The following CFAP299 variants were observed in gnomAD, a reference collection of about 807,000 sequenced individuals.
CFAP299 encodes cilia and flagella associated protein 299.
In CFAP299, 21 loss-of-function variants were observed where a neutral mutation model predicts 27.0. The ratio of observed to expected loss-of-function variants is 0.78; its 90% CI spans 0.55 to 1.12. CFAP299 has a LOEUF of 1.12. Ranked by LOEUF, CFAP299 falls within the 50% of genes most tolerant of loss-of-function variation. CFAP299 has a pLI of 0.00. For synonymous variants in CFAP299, 104 were observed against 98.1 expected (o/e 1.06, Z -0.36); for missense variants, 310 against 276.6 (o/e 1.12, Z -0.86).
chr4:80,429,694 A>G (rs1463780711), intron 2 of CFAP299, among the ~76,000 whole-genome samples: 2 of 152,190 alleles, frequency 1.3e-5, no homozygotes, highest in Admixed American at 6.5e-5. Flanking sequence ...AATCATAATA[A>G]CTATGTAATA....
At chr4:80,714,939 A>C (rs1722392330) in intron 3 of CFAP299, among the ~76,000 whole-genome samples, 1 of 152,090 alleles carries the variant, frequency 6.6e-6, no homozygotes, top group African/African-American at 2.4e-5. Flanking sequence ...ATTCTGACAC[A>C]TGACAATTTC....
intron 2 of CFAP299, among the ~76,000 whole-genome samples, chr4:80,479,351 C>T (rs555190622): frequency 4.6e-5 from 7 of 151,912 alleles, no homozygotes; most frequent in Non-Finnish European, 1.0e-4. Context: ...TCTCTTTCAT[C>T]CCAAGGCTTT....
At chr4:80,394,004 A>C (rs921826474) in intron 2 of CFAP299, among the ~76,000 whole-genome samples, 5 of 152,088 alleles carry the variant, frequency 3.3e-5, no homozygotes, top group Non-Finnish European at 1.5e-5. Flanking sequence ...GTGAGTTCTC[A>C]TGAGATCTGA....
chr4:80,422,825 T>C (rs1200692603), intron 2 of CFAP299, among the ~76,000 whole-genome samples: 1 of 152,196 alleles, frequency 6.6e-6, no homozygotes, highest in Non-Finnish European at 1.5e-5. Context: ...TCTTGCTTAA[T>C]GATAGGGATA....
intron 2 of CFAP299, among the ~76,000 whole-genome samples, chr4:80,501,185 C>G (rs746065860): frequency 5.4e-4 from 82 of 151,946 alleles, no homozygotes; most frequent in Non-Finnish European, 9.7e-4. Context: ...TTACCTTATC[C>G]TTGCTTTTGG....
intron 2 of CFAP299, among the ~76,000 whole-genome samples, chr4:80,571,265 T>C (rs1164428677): frequency 6.6e-6 from 1 of 152,152 alleles, no homozygotes; most frequent in Non-Finnish European, 1.5e-5. Context: ...AAATTCATAT[T>C]CAAGATAAGG....
chr4:80,766,114 A>T (rs1389152370), intron 3 of CFAP299, among the ~76,000 whole-genome samples: 1 of 152,180 alleles, frequency 6.6e-6, no homozygotes, highest in African/African-American at 2.4e-5. Context: ...ATAAGCTGTC[A>T]TCTAGACACA....
intron 3 of CFAP299, among the ~76,000 whole-genome samples, chr4:80,699,672 G>A (rs1364734045): frequency 6.6e-6 from 1 of 152,136 alleles, no homozygotes; most frequent in African/African-American, 2.4e-5. Flanking sequence ...ACTAGATCAA[G>A]TCATTTGTGA....
At chr4:80,916,926 G>A (rs1244543447) in intron 4 of CFAP299, among the ~76,000 whole-genome samples, 3 of 152,020 alleles carry the variant, frequency 2.0e-5, no homozygotes, top group Non-Finnish European at 4.4e-5. Context: ...AGTCCGACAA[G>A]GTATTTGATT....
intron 2 of CFAP299, among the ~76,000 whole-genome samples, chr4:80,501,831 T>C (rs1263093505): frequency 6.7e-6 from 1 of 149,728 alleles, no homozygotes; most frequent in African/African-American, 2.5e-5. Flanking sequence ...TTGAAAAGTC[T>C]CTTTTCTTTT....
chr4:80,471,980 G>C (rs1730022414), intron 2 of CFAP299, among the ~76,000 whole-genome samples: 2 of 152,188 alleles, frequency 1.3e-5, no homozygotes, highest in Admixed American at 6.5e-5. Context: ...AGCACTGTTA[G>C]AATGTTGACT....
intron 3 of CFAP299, among the ~76,000 whole-genome samples, chr4:80,690,973 C>G (rs1208495318): frequency 6.7e-6 from 1 of 149,390 alleles, no homozygotes; most frequent in African/African-American, 2.5e-5. Context: ...GACACATACA[C>G]TATCCCAAGA....
At chr4:80,678,078 C>T (rs1719585856) in intron 3 of CFAP299, among the ~76,000 whole-genome samples, 1 of 151,902 alleles carries the variant, frequency 6.6e-6, no homozygotes, top group Non-Finnish European at 1.5e-5. Context: ...AGTTGTAATA[C>T]ATTAGTAGAT....
intron 3 of CFAP299, among the ~76,000 whole-genome samples, chr4:80,696,250 A>C (rs1048733152): frequency 1.3e-5 from 2 of 150,806 alleles, no homozygotes; most frequent in Non-Finnish European, 3.0e-5. Flanking sequence ...GCAGTGAGCC[A>C]GTCACACCAC....
chr4:80,725,813 CA>C (rs1240143341), intron 3 of CFAP299, among the ~76,000 whole-genome samples: 6 of 152,124 alleles, frequency 3.9e-5, no homozygotes, highest in Non-Finnish European at 7.4e-5. Flanking sequence ...ACCTGAGTTC[CA>C]GAGACTGTGC....
At chr4:80,609,303 T>G (rs1246952414) in intron 3 of CFAP299, among the ~76,000 whole-genome samples, 5 of 152,102 alleles carry the variant, frequency 3.3e-5, no homozygotes, top group Non-Finnish European at 7.4e-5. Flanking sequence ...ATTAGGAGCT[T>G]CTTTCTGTGA....
chr4:80,771,039 C>T (rs1221239492), intron 3 of CFAP299, among the ~76,000 whole-genome samples: 5 of 152,070 alleles, frequency 3.3e-5, no homozygotes, highest in Non-Finnish European at 5.9e-5. Context: ...CATATCCCAT[C>T]GTATTCTCAG....
intron 4 of CFAP299, among the ~76,000 whole-genome samples, chr4:80,917,338 C>A (rs1735817104): frequency 6.6e-6 from 1 of 152,042 alleles, no homozygotes; most frequent in Admixed American, 6.6e-5. Context: ...AGTTGTTTTA[C>A]AAATGTATTA....
At chr4:80,457,213 C>T (rs2110102474) in intron 2 of CFAP299, among the ~76,000 whole-genome samples, 1 of 152,214 alleles carries the variant, frequency 6.6e-6, no homozygotes, top group African/African-American at 2.4e-5. Flanking sequence ...TGATGATCCG[C>T]AGGCAGCGTT....
Sources: allele counts gnomAD v4.1 joint callset (sites outside exome capture counted in the v4.1 genomes callset), GRCh38; gene constraint gnomAD v4.1.1; transcripts MANE v1.5; gene names NCBI Gene and HGNC (gene_info 2026-07-23, HGNC 2026-07-21).